SLC4A8: variants seen among roughly 807,000 people sequenced by gnomAD.
SLC4A8 encodes the protein electroneutral sodium bicarbonate exchanger 1.
A neutral mutation model predicts 125.0 loss-of-function variants in SLC4A8; 40 were observed. The ratio of observed to expected loss-of-function variants is 0.32; its 90% CI spans 0.25 to 0.42. The LOEUF (loss-of-function observed/expected upper bound fraction) is 0.42. Among genes scored for constraint, SLC4A8 ranks in the 10% least tolerant of loss-of-function variants. The pLI, the probability that SLC4A8 is intolerant of heterozygous loss-of-function variation, is 1.00. For synonymous variants in SLC4A8, 456 were observed against 476.0 expected, an observed-to-expected ratio of 0.96 and a Z score of 0.55; for missense variants, 863 against 1,355.1, an observed-to-expected ratio of 0.64 and a Z score of 5.70.
chr12:51,432,137 G>A (rs1283805450), intron 1 of SLC4A8, among the ~76,000 whole-genome samples: 2 of 152,248 alleles, frequency 1.3e-5, no homozygotes, highest in East Asian at 3.9e-4. Context: ...GGCCAGGCGC[G>A]GTGGCTCACG....
At chr12:51,439,024 A>T (rs1014049838) in intron 1 of SLC4A8, among the ~76,000 whole-genome samples, 2 of 152,190 alleles carry the variant, frequency 1.3e-5, no homozygotes, top group African/African-American at 4.8e-5. Context: ...AGGAAGATGG[A>T]CATAGTTCCT....
intron 16 of SLC4A8, chr12:51,479,843 A>G (rs953093588): frequency 9.2e-6 from 2 of 217,876 alleles, no homozygotes; most frequent in Non-Finnish European, 1.9e-5. Context: ...ATTTCATTAA[A>G]TAGAAAAAGA....
rs1938384605 is a variant in SLC4A8 at position 51,512,074 on chromosome 12, T to C, written c.*4636T>C. The C allele has an allele frequency of 6.6e-6, 1 of 152,252 alleles. No individual in the cohort carries two copies. The highest frequency in any genetic ancestry group is 6.5e-5 in the Admixed American group (1 of 15,288). 9.4% of individuals were successfully genotyped at this position (152,252 alleles called of 1,614,324 possible). On this transcript the variant is annotated 3_prime_UTR_variant, in exon 25 of 25. Transcript: ENST00000453097. ...GAATTTTGCATGTGTCTGTTCCATA[T>C]CCCGCTGGTAACCAGCTTACAGACC...
intron 7 of SLC4A8, among the ~76,000 whole-genome samples, chr12:51,458,868 A>G (rs1196392030): frequency 2.6e-5 from 4 of 152,204 alleles, no homozygotes; most frequent in Non-Finnish European, 5.9e-5. Context: ...TCCAGATTCA[A>G]CATACTGAAA....
At chr12:51,404,174 G>T (rs1948446905) in intron 1 of SLC4A8, among the ~76,000 whole-genome samples, 2 of 152,162 alleles carry the variant, frequency 1.3e-5, no homozygotes. Flanking sequence ...TACATGAAGG[G>T]GTTAGATGGC....
At chr12:51,400,526 GAAAAAAC>G (rs1565748793) in intron 1 of SLC4A8, among the ~76,000 whole-genome samples, 1 of 150,152 alleles carries the variant, frequency 6.7e-6, no homozygotes, top group African/African-American at 2.4e-5. Context: ...GGTTAGTGAG[GAAAAAAC>G]AAAAAACACA....
In SLC4A8 at chr12:51,514,604, G is replaced by C. The variant is rs1938472230; in HGVS notation, c.*7166G>C. 6.6e-6 allele frequency: 1 copy of C among 152,156 alleles called. No homozygotes were observed. Among genetic ancestry groups the C allele is most frequent in the African/African-American group, 2.4e-5 (1 of 41,428 alleles). 9.4% of individuals were successfully genotyped at this position (152,156 alleles called of 1,614,324 possible). On this transcript the variant is annotated 3_prime_UTR_variant, in exon 25 of 25. Coordinates refer to ENST00000453097, the MANE Select transcript of SLC4A8 (RefSeq NM_001039960.3). ...TCCCCTGTTTAGGGTGAGGGACTAA[G>C]AATTCTCAAGCCTTCAGTTTCATCC...
rs1045909535 is a variant in SLC4A8, at chr12:51,393,384, C to T, written c.-112+1896C>T. Among the ~76,000 whole-genome samples the T allele has an allele frequency of 6.6e-5, 10 of 152,236 alleles. No individual in the cohort carries two copies. The Middle Eastern group carries it at 0.01, about 155-fold the overall frequency. ...TGATGGGATTAGAGGCATGAGCCAC[C>T]GAGTCCAGCCATGAATTTGTATTTC... is the stretch of plus-strand genomic sequence containing the variant. On this transcript the variant is annotated intron_variant, in intron 1 of 24. Transcript: ENST00000358657.
chr12:51,452,191 G>C lies in SLC4A8; in HGVS notation c.345G>C (p.Glu115Asp). ...TEEDEEHVPH[E>D]LFTELDEICM... is the part of the protein sequence containing the mutation. ...AAGATGAAGAGCATGTGCCTCATGA[G>C]CTGTTTACAGAGCTGGATGAGATCT... is the stretch of plus-strand genomic sequence containing the variant. Residue 115 changes from glutamate to aspartate, a missense_variant, in exon 4 of 25, where the codon GAG (glutamate) becomes GAC (aspartate). Transcript: ENST00000453097. 6.2e-7 allele frequency: 1 copy of C among 1,614,064 alleles called. No homozygotes were observed. The highest frequency in any genetic ancestry group is 1.3e-5 in the African/African-American group (1 of 75,040).
At position 51,450,970 on chromosome 12, in the gene SLC4A8, G is replaced by A; in HGVS notation, c.225G>A (p.Gly75=). Residue 75 remains glycine, a synonymous_variant, in exon 3 of 25, where the codon GGG becomes GGA. Coordinates refer to ENST00000453097, the MANE Select transcript of SLC4A8 (RefSeq NM_001039960.3). Reference sequence around the variant, plus strand: ...ATGGCCAGAAGCACCGGAGACGAGGGCGGGGCAAAGGAGCCAGCCAGGGGG... The same window carrying A: ...ATGGCCAGAAGCACCGGAGACGAGGACGGGGCAAAGGAGCCAGCCAGGGGG... ...RTHGQKHRRR[G]RGKGASQGEE... is the part of the protein sequence containing the mutation. 1.3e-6 allele frequency: 2 copies of A among 1,590,648 alleles called. No homozygotes were observed. Among genetic ancestry groups the A allele is most frequent in the South Asian group, 1.1e-5 (1 of 88,280 alleles).
intron 4 of SLC4A8, 75 bp downstream of exon 4, chr12:51,452,334 T>G: frequency 2.0e-6 from 3 of 1,497,112 alleles, no homozygotes; most frequent in Non-Finnish European, 1.9e-6. Flanking sequence ...GTGACAGGCC[T>G]GCCTGCCTTA....
In SLC4A8 at chr12:51,425,008, C is replaced by G. The variant is rs569493904; in HGVS notation, c.21C>G (p.Asn7Lys). The change falls in exon 1 of 25, where the codon AAC becomes AAG. Residue 7 changes from asparagine to lysine, a missense_variant. Coordinates refer to ENST00000453097, the MANE Select transcript of SLC4A8 (RefSeq NM_001039960.3). ...CCGCCATGCCGGCCGCCGGGAGTAA[C>G]GAGCCGGACGGCGTCCTCAGCTATC... Reference protein sequence around the residue: MPAAGSNEPDGVLSYQR... With the variant: MPAAGSKEPDGVLSYQR... The G allele has an allele frequency of 4.5e-6, 7 of 1,556,432 alleles. No homozygotes were observed. Among genetic ancestry groups the G allele is most frequent in the Non-Finnish European group, 6.1e-6 (7 of 1,150,662 alleles).
chr12:51,448,537 G>T (rs1750238228), intron 2 of SLC4A8, among the ~76,000 whole-genome samples: 1 of 152,156 alleles, frequency 6.6e-6, no homozygotes, highest in South Asian at 2.1e-4. Context: ...AGGAAGAAAA[G>T]GGCCAAGGAC....
chr12:51,441,079 A>T (rs1002923400), intron 2 of SLC4A8: 1 of 1,085,018 alleles, frequency 9.2e-7, no homozygotes, highest in East Asian at 6.4e-5. Context: ...TGAGAATGTG[A>T]TGTACTCAGT....
chr12:51,397,081 C>T (rs1948278467), intron 1 of SLC4A8, among the ~76,000 whole-genome samples: 1 of 151,974 alleles, frequency 6.6e-6, no homozygotes. Flanking sequence ...AGGTGTGTGC[C>T]ACCACACCCG....
intron 2 of SLC4A8, among the ~76,000 whole-genome samples, chr12:51,442,641 G>C (rs7964740): frequency 1.3e-5 from 2 of 152,288 alleles, no homozygotes; most frequent in South Asian, 2.1e-4. Flanking sequence ...TCCTTTGTAC[G>C]TAGACTTTTT....
intron 2 of SLC4A8, among the ~76,000 whole-genome samples, chr12:51,446,330 T>C (rs1355669082): frequency 6.6e-6 from 1 of 152,240 alleles, no homozygotes; most frequent in Non-Finnish European, 1.5e-5. Context: ...CTCTTAACAT[T>C]CTAGCAGATC....
At chr12:51,405,700 C>G (rs1244854352) in intron 1 of SLC4A8, among the ~76,000 whole-genome samples, 2 of 152,190 alleles carry the variant, frequency 1.3e-5, no homozygotes, top group African/African-American at 4.8e-5. Flanking sequence ...CTGCAGGGCC[C>G]CGTGGCCATT....
At chr12:51,479,309 C>T (rs187969786) in intron 16 of SLC4A8, among the ~76,000 whole-genome samples, 29 of 152,204 alleles carry the variant, frequency 1.9e-4, no homozygotes, top group African/African-American at 6.3e-4. Flanking sequence ...TCCACACAGG[C>T]GTCAAAAATG....
Sources: allele counts gnomAD v4.1 joint callset (sites outside exome capture counted in the v4.1 genomes callset), GRCh38; gene constraint gnomAD v4.1.1; transcripts MANE v1.5; gene names NCBI Gene and HGNC (gene_info 2026-07-23, HGNC 2026-07-21).